GNE: variants seen among roughly 807,000 people sequenced by gnomAD.
GNE encodes glucosamine (UDP-N-acetyl)-2-epimerase/N-acetylmannosamine kinase, also known as bifunctional UDP-N-acetylglucosamine 2-epimerase/N-acetylmannosamine kinase.
Under a neutral mutation model 61.8 loss-of-function variants are expected in GNE, and 41 were observed. The observed-to-expected ratio is 0.66, with a 90% confidence interval of 0.52 to 0.86. GNE has a LOEUF of 0.86. Among genes scored for constraint, GNE ranks in the 40% least tolerant of loss-of-function variants. The pLI, the probability that GNE is intolerant of heterozygous loss-of-function variation, is 0.00. For synonymous variants in GNE, 264 were observed against 326.4 expected (o/e 0.81, Z 2.06); for missense variants, 608 against 909.1 (o/e 0.67, Z 4.26).
chr9:36,259,997 G>A (rs74307330), upstream of GNE, among the ~76,000 whole-genome samples: 167 of 152,150 alleles, frequency 1.1e-3, 5 homozygotes, highest in East Asian at 0.024. Context: ...GCTGCTCTGT[G>A]GAGAATGGAT....
intron 1 of GNE, among the ~76,000 whole-genome samples, chr9:36,272,300 A>T (rs1332119220): frequency 6.6e-6 from 1 of 152,128 alleles, no homozygotes; most frequent in Non-Finnish European, 1.5e-5. Context: ...AATTAGGGAA[A>T]TGGCATGATC....
At chr9:36,245,530 C>A (rs1049974742) in intron 3 of GNE, among the ~76,000 whole-genome samples, 5 of 151,598 alleles carry the variant, frequency 3.3e-5, no homozygotes, top group Admixed American at 2.6e-4. Context: ...AAAAATTAGC[C>A]GGTCATGGTG....
At chr9:36,265,407 A>G (rs764534045) in intron 1 of GNE, 4 of 456,508 alleles carry the variant, frequency 8.8e-6, no homozygotes, top group African/African-American at 4.0e-5. Context: ...GATGTCTGCC[A>G]TGTTGTTTTC....
chr9:36,269,472 T>G (rs1405050287), intron 1 of GNE, among the ~76,000 whole-genome samples: 1 of 151,584 alleles, frequency 6.6e-6, no homozygotes, highest in African/African-American at 2.4e-5. Context: ...CACTTCAAAC[T>G]CAATATATGA....
intron 6 of GNE, among the ~76,000 whole-genome samples, chr9:36,228,641 A>G (rs1829000348): frequency 1.3e-5 from 2 of 151,846 alleles, no homozygotes; most frequent in Admixed American, 1.3e-4. Flanking sequence ...TAAAAATACA[A>G]AAATTAGCCA....
chr9:36,276,141 C>T (rs1357069736), intron 1 of GNE, among the ~76,000 whole-genome samples: 2 of 151,952 alleles, frequency 1.3e-5, no homozygotes, highest in African/African-American at 4.8e-5. Flanking sequence ...CCACTACAAT[C>T]CAGCCTGGGT....
In GNE at chr9:36,247,733, A is replaced by G. The variant is rs181543812; in HGVS notation, c.165-1251T>C. Among the ~76,000 whole-genome samples, 851 of 151,546 alleles carry G rather than the reference A, an allele frequency of 5.6e-3. 6 individuals are homozygous for G. Among genetic ancestry groups the G allele is most frequent in the Non-Finnish European group, 8.6e-3 (580 of 67,820 alleles). ...AAATAGCCAGAATTCATTTTATATTAAAAAAAAATCTGGACGGACGCAGTG... is the reference window on the plus strand; with the variant it reads ...AAATAGCCAGAATTCATTTTATATTGAAAAAAAATCTGGACGGACGCAGTG... On this transcript the variant is annotated intron_variant, in intron 2 of 11. Transcript: ENST00000642385.
Position 36,269,685 on chromosome 9 carries a change from G to A in GNE, c.51+7209C>T, listed in dbSNP as rs181230349. On this transcript the variant is annotated intron_variant, in intron 1 of 11. Transcript: ENST00000396594. ...CTTTCTTTTTTTTTTTTTTTGAGACGGAGTCTCGCTCTGTCGCCCAGGCTG... is the reference window on the plus strand; with the variant it reads ...CTTTCTTTTTTTTTTTTTTTGAGACAGAGTCTCGCTCTGTCGCCCAGGCTG... 5.8e-3 allele frequency among the ~76,000 whole-genome samples: 633 copies of A among 108,250 alleles called. 7 individuals are homozygous for A. Among genetic ancestry groups the A allele is most frequent in the African/African-American group, 0.019 (599 of 31,004 alleles). The allele number at this position is 108,250 out of a possible 152,430, so 71.0% of individuals were successfully genotyped here. A position where few individuals can be genotyped will look rare whatever the true frequency, so the allele number is the denominator to read the frequency against.
In GNE at chr9:36,214,723, C is replaced by T. The variant is rs1828191456; in HGVS notation, c.*2642G>A. On this transcript the variant is annotated 3_prime_UTR_variant, in exon 12 of 12. Transcript: ENST00000642385. ...TTACACCAAAGAACAGATGTCCCTT[C>T]CCAGAACATTATCTCACCCCAGACT... The T allele has an allele frequency of 6.6e-6, 1 of 152,146 alleles. No individual in the cohort carries two copies. The allele number at this position is 152,146 out of a possible 1,614,324, so 9.4% of individuals were successfully genotyped here. A position where few individuals can be genotyped will look rare whatever the true frequency, so the allele number is the denominator to read the frequency against.
intron 1 of GNE, among the ~76,000 whole-genome samples, chr9:36,267,394 G>C (rs546720852): frequency 6.6e-6 from 1 of 152,190 alleles, no homozygotes; most frequent in East Asian, 1.9e-4. Context: ...CCTTTTCTCA[G>C]GATTTTAAAA....
At chr9:36,265,993 A>C (rs1320827573) in intron 1 of GNE, among the ~76,000 whole-genome samples, 1 of 151,978 alleles carries the variant, frequency 6.6e-6, no homozygotes, top group Non-Finnish European at 1.5e-5. Flanking sequence ...GCAGTGGCGC[A>C]ATCTTGGCTT....
intron 1 of GNE, among the ~76,000 whole-genome samples, chr9:36,269,520 A>C (rs2133194411): frequency 6.6e-6 from 1 of 151,626 alleles, no homozygotes; most frequent in Middle Eastern, 3.4e-3. Flanking sequence ...TATTTCTTTT[A>C]ATGGTACTAA....
In GNE at chr9:36,250,469, A is replaced by G. The variant is rs370235152; in HGVS notation, c.-42-1072T>C. 4.6e-5 allele frequency among the ~76,000 whole-genome samples: 7 copies of G among 152,292 alleles called. No homozygotes were observed. The East Asian group carries it at 1.3e-3, about 29-fold the overall frequency. On this transcript the variant is annotated intron_variant, in intron 1 of 11. Transcript: ENST00000642385. ...TTCCTCCTCAATTGTTCTCTGAGTTATGCAATTTCATTCATCCAAATGCCT... is the reference window on the plus strand; with the variant it reads ...TTCCTCCTCAATTGTTCTCTGAGTTGTGCAATTTCATTCATCCAAATGCCT...
At chr9:36,245,360 T>A (rs2133108938) in intron 3 of GNE, among the ~76,000 whole-genome samples, 1 of 152,062 alleles carries the variant, frequency 6.6e-6, no homozygotes, top group Non-Finnish European at 1.5e-5. Context: ...ACATACTTCC[T>A]AACCATTCCA....
intron 1 of GNE, among the ~76,000 whole-genome samples, chr9:36,264,791 G>GT (rs1830715665): frequency 6.6e-6 from 1 of 152,172 alleles, no homozygotes; most frequent in South Asian, 2.1e-4. Flanking sequence ...AAAACAGGAG[G>GT]TAAAGAACTA....
chr9:36,251,762 CTGAAATTCACT>C (rs1314398109), intron 1 of GNE, among the ~76,000 whole-genome samples: 2 of 152,072 alleles, frequency 1.3e-5, no homozygotes, highest in Non-Finnish European at 2.9e-5. Context: ...AGGGTAAACT[CTGAAATTCACT>C]GGAAATTCCA....
chr9:36,260,079 A>G (rs1830554282), upstream of GNE, among the ~76,000 whole-genome samples: 1 of 152,014 alleles, frequency 6.6e-6, no homozygotes, highest in African/African-American at 2.4e-5. Flanking sequence ...ATGAGACTTA[A>G]TTATAGGTTA....
At chr9:36,237,519 A>T (rs567275801) in intron 3 of GNE, among the ~76,000 whole-genome samples, 72 of 152,320 alleles carry the variant, frequency 4.7e-4, no homozygotes, top group African/African-American at 1.7e-3. Flanking sequence ...TGGGATCCCA[A>T]GGACGGTTCC....
intron 5 of GNE, among the ~76,000 whole-genome samples, chr9:36,232,344 T>G (rs672023): frequency 6.4e-4 from 81 of 126,234 alleles, no homozygotes; most frequent in African/African-American, 2.2e-3. Flanking sequence ...CCGCCCCCCC[T>G]CCCGACATTC....
Sources: allele counts gnomAD v4.1 joint callset (sites outside exome capture counted in the v4.1 genomes callset), GRCh38; gene constraint gnomAD v4.1.1; transcripts MANE v1.5; gene names NCBI Gene and HGNC (gene_info 2026-07-23, HGNC 2026-07-21).